The following SCAF4 variants were observed in gnomAD, a reference collection of about 807,000 sequenced individuals.
SCAF4 encodes the protein SR-related CTD associated factor 4.
In SCAF4, 25 loss-of-function variants were observed where a neutral mutation model predicts 129.8. The observed-to-expected ratio is 0.19, with a 90% confidence interval of 0.14 to 0.27. The LOEUF (loss-of-function observed/expected upper bound fraction) is 0.27, where lower values mean the gene tolerates loss of function less well. Among genes scored for constraint, SCAF4 ranks in the 10% least tolerant of loss-of-function variants. The pLI, the probability that SCAF4 is intolerant of heterozygous loss-of-function variation, is 1.00. For synonymous variants in SCAF4, 551 were observed against 497.7 expected (o/e 1.11, Z -1.43); for missense variants, 1,246 against 1,457.1 (o/e 0.86, Z 2.36).
intron 13 of SCAF4, 24 bp from the exon 14 acceptor site, chr21:31,691,954 A>G (rs976857623): frequency 1.6e-6 from 2 of 1,255,504 alleles, no homozygotes; most frequent in Non-Finnish European, 2.3e-6. Context: ...TTTTAATATT[A>G]TAAAAGATAA....
chr21:31,720,046 A>G (rs958209079), intron 1 of SCAF4, among the ~76,000 whole-genome samples: 1 of 152,184 alleles, frequency 6.6e-6, no homozygotes, highest in African/African-American at 2.4e-5. Context: ...TGTTTTATCC[A>G]TGCCAGTGCT....
intron 12 of SCAF4, 106 bp from the exon 13 acceptor site, chr21:31,692,555 A>C (rs2050284200): frequency 3.0e-6 from 2 of 677,102 alleles, no homozygotes; most frequent in Non-Finnish European, 5.0e-6. Context: ...CTATATTACA[A>C]CACCACAAGT....
At chr21:31,728,482 C>T (rs148632472) in intron 1 of SCAF4, among the ~76,000 whole-genome samples, 311 of 152,278 alleles carry the variant, frequency 2.0e-3, no homozygotes, top group South Asian at 0.013. Context: ...ATATTATCTT[C>T]GGACACAATT....
chr21:31,722,958 A>AG (rs2051107081), intron 1 of SCAF4, among the ~76,000 whole-genome samples: 1 of 152,206 alleles, frequency 6.6e-6, no homozygotes, highest in Non-Finnish European at 1.5e-5. Flanking sequence ...ATCTAAAAAA[A>AG]AAGTCATTAC....
chr21:31,696,537 C>T (rs2050390132), intron 8 of SCAF4, 32 bp downstream of exon 8: 2 of 1,547,860 alleles, frequency 1.3e-6, no homozygotes, highest in Non-Finnish European at 8.7e-7. Context: ...TACCAATTTT[C>T]TATCTGCTGA....
chr21:31,704,744 A>G (rs2050614938), intron 3 of SCAF4, among the ~76,000 whole-genome samples: 1 of 152,198 alleles, frequency 6.6e-6, no homozygotes, highest in Non-Finnish European at 1.5e-5. Context: ...TAATTTGTTG[A>G]CAGTGCCTAT....
chr21:31,673,560 A>G (rs1355945409), intron 19 of SCAF4, among the ~76,000 whole-genome samples: 1 of 152,244 alleles, frequency 6.6e-6, no homozygotes, highest in Non-Finnish European at 1.5e-5. Flanking sequence ...CTCTTCAGAC[A>G]CTTTGGGAAA....
intron 1 of SCAF4, chr21:31,706,923 G>T: frequency 3.3e-6 from 1 of 307,312 alleles, no homozygotes; most frequent in East Asian, 1.2e-4. Flanking sequence ...CAATCCAGAG[G>T]AGTATTTTTA....
At chr21:31,724,490 T>C (rs1568868200) in intron 1 of SCAF4, among the ~76,000 whole-genome samples, 1 of 152,188 alleles carries the variant, frequency 6.6e-6, no homozygotes, top group African/African-American at 2.4e-5. Context: ...TGAAGTGTGC[T>C]AAAAAAGGAT....
In SCAF4 at chr21:31,696,462, C is replaced by CA. The variant is rs1249167992; in HGVS notation, c.959+106dup. 8.5e-6 allele frequency: 10 copies of CA among 1,182,880 alleles called. No individual in the cohort carries two copies. The Admixed American group carries it at 1.2e-4, about 14-fold the overall frequency. 73.3% of individuals were successfully genotyped at this position (1,182,880 alleles called of 1,614,324 possible). A position where few individuals can be genotyped will look rare whatever the true frequency, so the allele number is the denominator to read the frequency against. On this transcript the variant is annotated intron_variant, in intron 8 of 19. Transcript: ENST00000286835. ...GAGAAAACTAATACCACAAATTTTA[C>CA]AAAACAACTTCATAGAACATTGTTG...
intron 7 of SCAF4, 97 bp downstream of exon 7, chr21:31,700,898 T>A (rs745686424): frequency 1.3e-5 from 16 of 1,277,444 alleles, no homozygotes; most frequent in Admixed American, 5.3e-5. Flanking sequence ...CAAAACGACA[T>A]AATGAACAAT....
chr21:31,711,493 A>C (rs1338569970), intron 1 of SCAF4, among the ~76,000 whole-genome samples: 1 of 152,196 alleles, frequency 6.6e-6, no homozygotes, highest in Admixed American at 6.5e-5. Flanking sequence ...AAATAGTAAC[A>C]ACCTTTATGG....
intron 19 of SCAF4, among the ~76,000 whole-genome samples, chr21:31,676,748 G>C (rs1240498758): frequency 1.3e-5 from 2 of 152,108 alleles, no homozygotes; most frequent in East Asian, 1.9e-4. Flanking sequence ...ACTATTCAAT[G>C]GTTTTAGTAT....
chr21:31,684,989 G>A (rs781416660), intron 19 of SCAF4, 60 bp downstream of exon 19: 7 of 612,400 alleles, frequency 1.1e-5, no homozygotes, highest in African/African-American at 2.5e-5. Context: ...CTTGGGGATG[G>A]GTGGGGGGGT....
intron 8 of SCAF4, 39 bp downstream of exon 8, chr21:31,696,530 C>T (rs965722725): frequency 2.0e-6 from 3 of 1,530,484 alleles, no homozygotes; most frequent in Non-Finnish European, 8.8e-7. Context: ...CAACTATTAC[C>T]AATTTTCTAT....
In SCAF4 at chr21:31,731,730, T is replaced by C. The variant is rs746245573; in HGVS notation, c.-38A>G. 5 of 1,567,950 alleles carry C rather than the reference T, an allele frequency of 3.2e-6. No homozygotes were observed. The highest frequency in any genetic ancestry group is 3.6e-5 in the Admixed American group (2 of 56,108). On this transcript the variant is annotated 5_prime_UTR_variant, in exon 1 of 20. The change abolishes the stop of an existing upstream ORF in the 5' untranslated region. Transcript: ENST00000286835. ...GCGGCGGCTGCTCCGGGCCCGCCGG[T>C]CACATAGACCTCGCGCCGCGGCGGA...
In SCAF4 at chr21:31,717,842, T is replaced by TACACAC. The variant is rs66498283; in HGVS notation, c.31-11491_31-11486dup. ...AACTGCTGCCATATATATATATATA[T>TACACAC]ACACACACACACACACACACACACA... On this transcript the variant is annotated intron_variant, in intron 1 of 19. Coordinates refer to ENST00000286835, the MANE Select transcript of SCAF4 (RefSeq NM_020706.2). 8.6e-3 allele frequency among the ~76,000 whole-genome samples: 984 copies of TACACAC among 114,358 alleles called. 25 individuals are homozygous for TACACAC. The highest frequency in any genetic ancestry group is 0.048 in the Admixed American group (484 of 10,008). 75.0% of individuals were successfully genotyped at this position (114,358 alleles called of 152,430 possible).
At chr21:31,701,703 G>T in intron 6 of SCAF4, 73 bp downstream of exon 6, 1 of 1,459,364 alleles carries the variant, frequency 6.9e-7, no homozygotes, top group Non-Finnish European at 9.2e-7. Flanking sequence ...GCTTATTAAT[G>T]AAGAATAGAA....
At chr21:31,691,122 A>T (rs1278850918) in intron 14 of SCAF4, among the ~76,000 whole-genome samples, 169 bp from the exon 15 acceptor site, 2 of 152,130 alleles carry the variant, frequency 1.3e-5, no homozygotes, top group African/African-American at 4.8e-5. Flanking sequence ...AGAACTGGTT[A>T]CCCTTTAATT....
Sources: gnomAD v4.1 joint callset for allele counts (sites outside exome capture counted in the v4.1 genomes callset) on GRCh38, gnomAD v4.1.1 for gene constraint, MANE v1.5 for transcripts, NCBI Gene and HGNC (gene_info 2026-07-23, HGNC 2026-07-21) for gene names.